CYP7B1: variants seen among roughly 807,000 people sequenced by gnomAD.
CYP7B1 encodes the protein cytochrome P450 7B1.
Under a neutral mutation model 42.7 loss-of-function variants are expected in CYP7B1, and 29 were observed. The ratio of observed to expected loss-of-function variants is 0.68; its 90% CI spans 0.51 to 0.93. The LOEUF is 0.93. Ranked by LOEUF, CYP7B1 falls within the 40% of genes least tolerant of loss-of-function variation. The pLI, the probability that CYP7B1 is intolerant of heterozygous loss-of-function variation, is 0.00. For synonymous variants in CYP7B1, 235 were observed against 218.2 expected (o/e 1.08, Z -0.68); for missense variants, 655 against 600.5 (o/e 1.09, Z -0.95).
At chr8:64,704,175 T>C (rs1806958973) in intron 1 of CYP7B1, 1 of 152,084 alleles carries the variant, frequency 6.6e-6, no homozygotes, top group Non-Finnish European at 1.5e-5. Context: ...AAAAACTCTT[T>C]TTTTAACTTC....
At chr8:64,663,244 TAGAC>T (rs1197505074) in intron 1 of CYP7B1, among the ~76,000 whole-genome samples, 2 of 152,224 alleles carry the variant, frequency 1.3e-5, no homozygotes, top group African/African-American at 4.8e-5. Context: ...TTATTTATAA[TAGAC>T]AGTGAGGAAT....
intron 1 of CYP7B1, among the ~76,000 whole-genome samples, chr8:64,745,159 A>T (rs1807625067): frequency 6.6e-6 from 1 of 152,212 alleles, no homozygotes; most frequent in Non-Finnish European, 1.5e-5. Flanking sequence ...AAAAGCTTAA[A>T]TGTTAATGGG....
intron 1 of CYP7B1, among the ~76,000 whole-genome samples, chr8:64,703,428 A>G (rs565908841): frequency 6.6e-6 from 1 of 152,118 alleles, no homozygotes; most frequent in East Asian, 1.9e-4. Flanking sequence ...TTTTCCTTTA[A>G]TGAAAATACA....
intron 1 of CYP7B1, among the ~76,000 whole-genome samples, chr8:64,752,419 T>C (rs908275409): frequency 6.6e-6 from 1 of 151,964 alleles, no homozygotes; most frequent in Admixed American, 6.6e-5. Context: ...TGTGTGTGTG[T>C]GTATAAATCA....
intron 1 of CYP7B1, among the ~76,000 whole-genome samples, chr8:64,709,832 G>C (rs1226944671): frequency 6.6e-6 from 1 of 152,130 alleles, no homozygotes. Context: ...AAGCACAATA[G>C]ATTGCAGAGG....
chr8:64,772,678 T>C (rs991910746), intron 1 of CYP7B1, among the ~76,000 whole-genome samples: 1 of 152,218 alleles, frequency 6.6e-6, no homozygotes, highest in African/African-American at 2.4e-5. Context: ...CTACCCTGTC[T>C]ACTGCACACC....
intron 1 of CYP7B1, among the ~76,000 whole-genome samples, chr8:64,656,766 T>G (rs908827122): frequency 1.2e-4 from 19 of 152,214 alleles, no homozygotes; most frequent in Admixed American, 1.2e-3. Context: ...ATTCTATTTA[T>G]TGATGTTAAG....
At chr8:64,629,619 A>C (rs1165363165) in intron 1 of CYP7B1, among the ~76,000 whole-genome samples, 1 of 151,212 alleles carries the variant, frequency 6.6e-6, no homozygotes, top group Non-Finnish European at 1.5e-5. Context: ...TTTTTTTTTG[A>C]GCAAGGCACT....
intron 1 of CYP7B1, among the ~76,000 whole-genome samples, chr8:64,750,964 C>T (rs991249841): frequency 9.2e-5 from 14 of 152,166 alleles, no homozygotes; most frequent in Non-Finnish European, 8.8e-5. Flanking sequence ...ACCATCCTCA[C>T]GCCAACTGCT....
downstream of CYP7B1, among the ~76,000 whole-genome samples, chr8:64,589,212 G>A (rs1805004626): frequency 6.6e-6 from 1 of 152,162 alleles, no homozygotes. Context: ...TGATGTGGAC[G>A]ATTATCCTCA....
rs1009904526 is a variant in CYP7B1, at chr8:64,594,135, G to A, written c.*2507C>T. Among the ~76,000 whole-genome samples, 2 of 152,092 alleles carry A rather than the reference G, an allele frequency of 1.3e-5. No homozygotes were observed. The highest frequency in any genetic ancestry group is 2.9e-5 in the Non-Finnish European group (2 of 68,012). ...TGGGGGGTGGGTGGTGGGGCTTGGG[G>A]ACAAGGCATTTAGCAGCCCTGGGCT... is the stretch of plus-strand genomic sequence containing the variant. On this transcript the variant is annotated 3_prime_UTR_variant, in exon 6 of 6. Coordinates refer to ENST00000310193, the MANE Select transcript of CYP7B1 (RefSeq NM_004820.5).
In CYP7B1 at chr8:64,595,788, G is replaced by A. The variant is rs1397149810; in HGVS notation, c.*854C>T. Among the ~76,000 whole-genome samples the A allele has an allele frequency of 6.6e-6, 1 of 152,122 alleles. No individual in the cohort carries two copies. Among genetic ancestry groups the A allele is most frequent in the Non-Finnish European group, 1.5e-5 (1 of 68,028 alleles). ...AGCTTCTCAGTTTATATATATGAAA[G>A]CATTTAGGAAAGGGTTAATTGCAAT... On this transcript the variant is annotated 3_prime_UTR_variant, in exon 6 of 6. Coordinates refer to ENST00000310193, the MANE Select transcript of CYP7B1 (RefSeq NM_004820.5).
chr8:64,630,612 G>C (rs977665388), intron 1 of CYP7B1, among the ~76,000 whole-genome samples: 1 of 152,172 alleles, frequency 6.6e-6, no homozygotes, highest in African/African-American at 2.4e-5. Flanking sequence ...GAGTTGCCCA[G>C]GTCTGAAGGC....
intron 1 of CYP7B1, among the ~76,000 whole-genome samples, chr8:64,773,534 T>C (rs941655643): frequency 6.6e-6 from 1 of 152,232 alleles, no homozygotes; most frequent in Non-Finnish European, 1.5e-5. Flanking sequence ...ATAGACACTG[T>C]ACATTCAAAA....
chr8:64,602,755 A>G (rs1805221196), intron 5 of CYP7B1, among the ~76,000 whole-genome samples: 1 of 152,196 alleles, frequency 6.6e-6, no homozygotes, highest in African/African-American at 2.4e-5. Flanking sequence ...CTGTCAATAT[A>G]TGGTGGCTTG....
At chr8:64,662,026 C>G (rs1270013456) in intron 1 of CYP7B1, among the ~76,000 whole-genome samples, 1 of 152,022 alleles carries the variant, frequency 6.6e-6, no homozygotes, top group Non-Finnish European at 1.5e-5. Flanking sequence ...ATGGCCCTAG[C>G]TTCCTCCTCT....
intron 1 of CYP7B1, among the ~76,000 whole-genome samples, chr8:64,702,041 C>T (rs141749713): frequency 9.9e-5 from 15 of 152,124 alleles, no homozygotes; most frequent in African/African-American, 3.6e-4. Context: ...CATTTTGGAA[C>T]ACGACCGGTG....
At chr8:64,687,132 AT>A (rs1429526858) in intron 1 of CYP7B1, among the ~76,000 whole-genome samples, 2 of 145,358 alleles carry the variant, frequency 1.4e-5, no homozygotes, top group African/African-American at 2.5e-5. Context: ...CAATAAAAAA[AT>A]AAATTTAAAA....
chr8:64,788,198 A>G (rs1211070273), intron 1 of CYP7B1, among the ~76,000 whole-genome samples: 1 of 152,250 alleles, frequency 6.6e-6, no homozygotes, highest in Non-Finnish European at 1.5e-5. Context: ...TGATGTATCA[A>G]TATTGACTTC....
Sources: allele counts gnomAD v4.1 joint callset (sites outside exome capture counted in the v4.1 genomes callset), GRCh38; gene constraint gnomAD v4.1.1; transcripts MANE v1.5; gene names NCBI Gene and HGNC (gene_info 2026-07-23, HGNC 2026-07-21).